OR51C1: variants seen among roughly 807,000 people sequenced by gnomAD.
The protein encoded by OR51C1 is olfactory receptor family 51 subfamily C member 1, also known as olfactory receptor OR51C1.
the OR51C1 span, chr11:4,691,010 A>T: frequency 4.4e-6 from 2 of 455,718 alleles, no homozygotes; most frequent in Non-Finnish European, 8.8e-6. Context: ...CTTCTGGGGA[A>T]GCAACGCTAA....
At chr11:4,691,260 A>C in the OR51C1 span, 1 of 456,846 alleles carries the variant, frequency 2.2e-6, no homozygotes, top group Non-Finnish European at 4.4e-6. Flanking sequence ...GACACTTGCC[A>C]CTCCAATTTG....
At chr11:4,692,226 A>G in the OR51C1 span, 1 of 441,842 alleles carries the variant, frequency 2.3e-6, no homozygotes, top group Non-Finnish European at 4.5e-6. Flanking sequence ...GAAGAAAGAG[A>G]TCATTATAAT....
At chr11:4,692,214 A>T in the OR51C1 span, 10 of 447,344 alleles carry the variant, frequency 2.2e-5, no homozygotes, top group Non-Finnish European at 4.5e-5. Flanking sequence ...GCCAGAAAAT[A>T]TGAAGAAAGA....
the OR51C1 span, chr11:4,691,620 C>T: frequency 4.0e-5 from 18 of 449,566 alleles, no homozygotes; most frequent in African/African-American, 3.6e-4. Context: ...AATGGAGATC[C>T]AGGTGTGGAA....
At chr11:4,693,078 CA>C in the OR51C1 span, among the ~76,000 whole-genome samples, 1 of 151,574 alleles carries the variant, frequency 6.6e-6, no homozygotes, top group Non-Finnish European at 1.5e-5. Flanking sequence ...TAGTATATTT[CA>C]AAAAAACTAA....
chr11:4,693,706 A>T, the OR51C1 span, among the ~76,000 whole-genome samples: 1 of 152,186 alleles, frequency 6.6e-6, no homozygotes, highest in African/African-American at 2.4e-5. Flanking sequence ...TGGGCGACAG[A>T]GCGAGACTCC....
chr11:4,693,967 G>T, the OR51C1 span, among the ~76,000 whole-genome samples: 1 of 152,068 alleles, frequency 6.6e-6, no homozygotes, highest in African/African-American at 2.4e-5. Flanking sequence ...TAATAAAAAT[G>T]GTTATGAAAG....
the OR51C1 span, among the ~76,000 whole-genome samples, chr11:4,692,443 G>A: frequency 1.3e-5 from 2 of 152,220 alleles, no homozygotes; most frequent in Non-Finnish European, 2.9e-5. Flanking sequence ...TCTGCTGGAA[G>A]ACTAGTTCTC....
At chr11:4,695,434 T>G in the OR51C1 span, among the ~76,000 whole-genome samples, 662 of 152,320 alleles carry the variant, frequency 4.3e-3, 13 homozygotes, top group East Asian at 0.01. Context: ...ATATATTGAA[T>G]AGTTTTCATA....
the OR51C1 span, among the ~76,000 whole-genome samples, chr11:4,696,188 C>T: frequency 6.6e-6 from 1 of 152,130 alleles, no homozygotes; most frequent in South Asian, 2.1e-4. Flanking sequence ...CTGTGGCTAC[C>T]CCTGAGGGAC....
At chr11:4,692,091 A>G in the OR51C1 span, 1 of 428,428 alleles carries the variant, frequency 2.3e-6, no homozygotes, top group Admixed American at 2.9e-5. Context: ...GAGGTAGTGC[A>G]TTATTTTTCC....
chr11:4,691,304 C>A, the OR51C1 span: 2 of 457,254 alleles, frequency 4.4e-6, no homozygotes, highest in African/African-American at 2.0e-5. Context: ...TCATGGCATA[C>A]CTAAGGGGAT....
At chr11:4,693,117 C>G in the OR51C1 span, among the ~76,000 whole-genome samples, 1 of 151,976 alleles carries the variant, frequency 6.6e-6, no homozygotes, top group Non-Finnish European at 1.5e-5. Flanking sequence ...GTTCACAGCA[C>G]AAAGAAATGA....
the OR51C1 span, chr11:4,691,196 G>A: frequency 8.8e-6 from 4 of 456,684 alleles, no homozygotes; most frequent in African/African-American, 2.0e-5. Context: ...TGTGGCAGTA[G>A]GAAAGTCTTA....
the OR51C1 span, chr11:4,691,155 T>G: frequency 5.0e-5 from 23 of 456,548 alleles, no homozygotes; most frequent in South Asian, 3.1e-4. Flanking sequence ...CACATCAGGG[T>G]GGTAGCAGTA....
chr11:4,696,801 C>G, the OR51C1 span, among the ~76,000 whole-genome samples: 1 of 152,276 alleles, frequency 6.6e-6, no homozygotes, highest in East Asian at 1.9e-4. Context: ...TAAGCTATAG[C>G]TTGTGGCTGT....
chr11:4,696,899 G>C, the OR51C1 span, among the ~76,000 whole-genome samples: 1 of 152,124 alleles, frequency 6.6e-6, no homozygotes, highest in Admixed American at 6.5e-5. Context: ...ACTGACCTGG[G>C]TTCAGATTCT....
At chr11:4,691,408 A>G in the OR51C1 span, 2 of 457,782 alleles carry the variant, frequency 4.4e-6, no homozygotes, top group African/African-American at 4.0e-5. Flanking sequence ...TGGGACAAGC[A>G]GGCATTAAAG....
At chr11:4,696,023 C>T in the OR51C1 span, among the ~76,000 whole-genome samples, 17 of 152,190 alleles carry the variant, frequency 1.1e-4, no homozygotes, top group African/African-American at 4.1e-4. Context: ...GAATCTTTAA[C>T]GCTGTGGCAA....
Sources: gnomAD v4.1 joint callset for allele counts (sites outside exome capture counted in the v4.1 genomes callset) on GRCh38, gnomAD v4.1.1 for gene constraint, MANE v1.5 for transcripts, NCBI Gene and HGNC (gene_info 2026-07-23, HGNC 2026-07-21) for gene names.